The following ATP7B variants were observed in gnomAD, a reference collection of about 807,000 sequenced individuals.
ATP7B encodes ATPase copper transporting beta.
ATP7B carries 113 observed loss-of-function variants against 118.9 expected under a neutral mutation model. The ratio of observed to expected loss-of-function variants is 0.95; its 90% CI spans 0.82 to 1.11. The LOEUF is 1.11. Among genes scored for constraint, ATP7B ranks in the 50% most tolerant of loss-of-function variants. ATP7B has a pLI of 0.00. For missense variants in ATP7B, 1,867 were observed against 1,871.4 expected, an observed-to-expected ratio of 1.00 and a Z score of 0.04; for synonymous variants, 777 against 727.4, an observed-to-expected ratio of 1.07 and a Z score of -1.10.
chr13:51,960,954 T>C (rs1017243225), intron 6 of ATP7B, among the ~76,000 whole-genome samples: 1 of 151,956 alleles, frequency 6.6e-6, no homozygotes, highest in East Asian at 1.9e-4. Context: ...ACCACTGGCC[T>C]TTGAGGCTGA....
intron 1 of ATP7B, chr13:51,995,315 T>C (rs113115720): frequency 0.046 from 45,313 of 985,262 alleles, 1,139 homozygotes; most frequent in South Asian, 0.089. Flanking sequence ...TGCACTGACC[T>C]GACTGGAACT....
chr13:51,942,256 G>C, intron 15 of ATP7B, 130 bp downstream of exon 15: 2 of 1,388,970 alleles, frequency 1.4e-6, no homozygotes, highest in Non-Finnish European at 2.0e-6. Flanking sequence ...GGTGTGGGGA[G>C]GCAGGCTTGG....
Position 51,933,277 on chromosome 13 carries a change from C to G in ATP7B, c.*1479G>C, listed in dbSNP as rs966629866. On this transcript the variant is annotated 3_prime_UTR_variant, in exon 21 of 21. Transcript: ENST00000242839. ...ACTGCTTGTCCATTGGCTATGTCAT[C>G]CTGGGCAAAGTCCTCAGCCTCTTGG... 5 of 152,230 alleles carry G rather than the reference C, an allele frequency of 3.3e-5. No homozygotes were observed. The highest frequency in any genetic ancestry group is 1.2e-4 in the African/African-American group (5 of 41,456). 9.4% of individuals were successfully genotyped at this position (152,230 alleles called of 1,614,324 possible).
chr13:51,938,972 GC>G, intron 17 of ATP7B, 78 bp downstream of exon 17: 1 of 1,606,540 alleles, frequency 6.2e-7, no homozygotes, highest in South Asian at 1.1e-5. Flanking sequence ...ACAGCTCAGT[GC>G]TGGGCCAACT....
In ATP7B at chr13:51,981,444, G is replaced by A. The variant is rs75250604; in HGVS notation, c.52-6276C>T. Among the ~76,000 whole-genome samples the A allele has an allele frequency of 4.0e-3, 603 of 152,238 alleles. 4 individuals are homozygous for A. The highest frequency in any genetic ancestry group is 0.014 in the African/African-American group (585 of 41,538). ...CAAGGCAACCACACTTACAGGAGAAGGCACACAAGACACAAGTCAGAGAAG... is the reference window on the plus strand; with the variant it reads ...CAAGGCAACCACACTTACAGGAGAAAGCACACAAGACACAAGTCAGAGAAG... On this transcript the variant is annotated intron_variant, in intron 1 of 20. Transcript: ENST00000242839.
intron 8 of ATP7B, 152 bp from the exon 9 acceptor site, chr13:51,957,759 C>T: frequency 5.7e-6 from 4 of 701,654 alleles, no homozygotes; most frequent in Non-Finnish European, 1.0e-5. Flanking sequence ...GCGTTACTTG[C>T]TATCCACCAC....
At chr13:51,941,505 T>C (rs1173367056) in intron 15 of ATP7B, among the ~76,000 whole-genome samples, 2 of 152,218 alleles carry the variant, frequency 1.3e-5, no homozygotes, top group Non-Finnish European at 1.5e-5. Context: ...GTCTTTGTCT[T>C]AGAAGTATCC....
At position 51,960,217 on chromosome 13, in the gene ATP7B, C is replaced by T. The variant is rs1593733306; in HGVS notation, c.2052G>A (p.Leu684=). 2 of 1,613,920 alleles carry T rather than the reference C, an allele frequency of 1.2e-6. No individual in the cohort carries two copies. Among genetic ancestry groups the T allele is most frequent in the Non-Finnish European group, 1.7e-6 (2 of 1,179,826 alleles). ...PSNEPHQSMV[L]DHNIIPGLSI... ...ACAGTCCTGGAATGATGTTGTGGTC[C>T]AGGACCATGGACTGGTGGGGCTCGT... The change falls in exon 7 of 21, where the codon CTG becomes CTA. Residue 684 remains leucine (L), a synonymous_variant. Transcript: ENST00000242839.
chr13:51,955,553 G>A (rs891519120), intron 9 of ATP7B, among the ~76,000 whole-genome samples: 6 of 152,176 alleles, frequency 3.9e-5, no homozygotes, highest in East Asian at 1.9e-4. Flanking sequence ...GGTGCTGCAC[G>A]CACCCCGTGG....
chr13:52,010,285 A>C (rs1953960851), intron 1 of ATP7B, among the ~76,000 whole-genome samples: 1 of 152,228 alleles, frequency 6.6e-6, no homozygotes, highest in Non-Finnish European at 1.5e-5. Flanking sequence ...TGAATTCACT[A>C]CTAAAGGGCA....
chr13:52,001,019 CA>C (rs1953469128), intron 1 of ATP7B, among the ~76,000 whole-genome samples: 2 of 151,968 alleles, frequency 1.3e-5, no homozygotes, highest in Non-Finnish European at 1.5e-5. Context: ...GATTCTGTCT[CA>C]AAAATAATAA....
chr13:51,961,153 T>C (rs538804453), intron 6 of ATP7B, among the ~76,000 whole-genome samples: 2 of 152,026 alleles, frequency 1.3e-5, no homozygotes, highest in African/African-American at 2.4e-5. Flanking sequence ...TCAGATCTTA[T>C]GTCCCCTGCT....
chr13:52,008,869 CTTTCT>C (rs1424211914), intron 1 of ATP7B, among the ~76,000 whole-genome samples: 3 of 129,568 alleles, frequency 2.3e-5, no homozygotes, highest in African/African-American at 5.1e-5. Flanking sequence ...CCTTATTCTG[CTTTCT>C]TTTCTTTTCT....
chr13:51,977,598 A>G (rs540383816), intron 1 of ATP7B, among the ~76,000 whole-genome samples: 4 of 152,346 alleles, frequency 2.6e-5, no homozygotes, highest in East Asian at 3.9e-4. Context: ...TCTTTTTATA[A>G]GTAGAAGGAG....
chr13:52,002,211 CA>C (rs1428903889), intron 1 of ATP7B, among the ~76,000 whole-genome samples: 2 of 151,894 alleles, frequency 1.3e-5, no homozygotes, highest in South Asian at 4.1e-4. Flanking sequence ...GAATGCCAAG[CA>C]AAAACAACTT....
intron 17 of ATP7B, 25 bp from the exon 18 acceptor site, chr13:51,937,704 T>C (rs201803840): frequency 3.1e-6 from 5 of 1,612,298 alleles, no homozygotes; most frequent in African/African-American, 2.7e-5. Context: ...AGGCAATGCC[T>C]AGTGTTGGCA....
intron 16 of ATP7B, 128 bp from the exon 17 acceptor site, chr13:51,939,321 A>G (rs1053645260): frequency 2.7e-5 from 39 of 1,424,428 alleles, no homozygotes; most frequent in Admixed American, 7.8e-5. Flanking sequence ...ATATAACACA[A>G]TGTGGTTTTT....
At chr13:51,963,724 G>A (rs1445969263) in intron 5 of ATP7B, among the ~76,000 whole-genome samples, 2 of 113,042 alleles carry the variant, frequency 1.8e-5, no homozygotes, top group African/African-American at 3.5e-5. Flanking sequence ...GGACAAGAGC[G>A]AGACCACGTC....
chr13:51,950,002 A>G lies in ATP7B; in HGVS notation c.2730+5T>C. 6.2e-7 allele frequency: 1 copy of G among 1,614,224 alleles called. No homozygotes were observed. Among genetic ancestry groups the G allele is most frequent in the Non-Finnish European group, 8.5e-7 (1 of 1,180,038 alleles). The stretch of plus-strand genomic sequence containing the variant: ...TGAAGTTAGTTTTAAAAATTTCTTC[A>G]TTACCTTTGACATCTGAGCCTCTTC... On this transcript the variant is annotated splice_donor_5th_base_variant and intron_variant, in intron 11 of 20. Coordinates refer to ENST00000242839, the MANE Select transcript of ATP7B (RefSeq NM_000053.4).
Sources: allele counts gnomAD v4.1 joint callset (sites outside exome capture counted in the v4.1 genomes callset), GRCh38; gene constraint gnomAD v4.1.1; transcripts MANE v1.5; gene names NCBI Gene and HGNC (gene_info 2026-07-23, HGNC 2026-07-21).